The following TBK1 variants were observed in gnomAD, a reference collection of about 807,000 sequenced individuals.
TBK1 encodes the protein serine/threonine-protein kinase TBK1.
A neutral mutation model predicts 99.9 loss-of-function variants in TBK1; 37 were observed. That is an observed-to-expected ratio of 0.37 (90% CI 0.28 to 0.49). The LOEUF (loss-of-function observed/expected upper bound fraction) is 0.49, where lower values mean the gene tolerates loss of function less well. Ranked by LOEUF, TBK1 falls within the 20% of genes least tolerant of loss-of-function variation. TBK1 has a pLI of 0.98. For synonymous variants in TBK1, 258 were observed against 279.8 expected, an observed-to-expected ratio of 0.92 and a Z score of 0.78; for missense variants, 644 against 872.5, an observed-to-expected ratio of 0.74 and a Z score of 3.30.
At position 64,481,929 on chromosome 12, in the gene TBK1, A is replaced by G; in HGVS notation, c.900A>G (p.Ala300=). Residue 300 remains alanine, a synonymous_variant, in exon 8 of 21, where the codon GCA becomes GCG. Coordinates refer to ENST00000331710, the MANE Select transcript of TBK1 (RefSeq NM_013254.4). ...GTTGGGGTTTTGACCAGTTTTTTGC[A>G]GAAACTAGTGATATACTTCACCGAA... The part of the protein sequence containing the change: ...EKCWGFDQFF[A]ETSDILHRMV... 6.2e-7 allele frequency: 1 copy of G among 1,612,304 alleles called. No homozygotes were observed. The highest frequency in any genetic ancestry group is 8.5e-7 in the Non-Finnish European group (1 of 1,179,240).
chr12:64,464,341 C>G lies in TBK1; in HGVS notation c.236C>G (p.Thr79Arg). 3 of 1,566,134 alleles carry G rather than the reference C, an allele frequency of 1.9e-6. No individual in the cohort carries two copies. The highest frequency in any genetic ancestry group is 1.2e-5 in the South Asian group (1 of 83,360). Residue 79 changes from threonine to arginine, a missense_variant, in exon 4 of 21, where the codon ACA becomes AGA. Physicochemically the swap from Thr to Arg is moderately conservative, Grantham distance 71 (BLOSUM62 -1). Transcript: ENST00000331710. ...AATGATTTTTTTTTTCAGACAACAACAAGACATAAAGTACTTATTATGGAA... is the reference window on the plus strand; with the variant it reads ...AATGATTTTTTTTTTCAGACAACAAGAAGACATAAAGTACTTATTATGGAA... The part of the protein sequence containing the change: ...KLFAIEEETT[T>R]RHKVLIMEFC...
chr12:64,496,254 G>A (rs2040923787), intron 15 of TBK1, 113 bp from the exon 16 acceptor site: 1 of 451,232 alleles, frequency 2.2e-6, no homozygotes, highest in Non-Finnish European at 3.9e-6. Flanking sequence ...ACAAATCTAT[G>A]ACATCTGCTT....
At chr12:64,475,228 G>A (rs2040699689) in intron 6 of TBK1, among the ~76,000 whole-genome samples, 1 of 152,046 alleles carries the variant, frequency 6.6e-6, no homozygotes. Flanking sequence ...TATTTTACTA[G>A]TATAATGTAT....
At chr12:64,479,737 ATTTG>A (rs2040749676) in intron 6 of TBK1, among the ~76,000 whole-genome samples, 2 of 152,182 alleles carry the variant, frequency 1.3e-5, no homozygotes, top group Non-Finnish European at 2.9e-5. Context: ...AAATTAATAT[ATTTG>A]TTGTGAACAT....
At chr12:64,483,023 C>G (rs1260338434) in intron 8 of TBK1, among the ~76,000 whole-genome samples, 1 of 152,168 alleles carries the variant, frequency 6.6e-6, no homozygotes, top group Non-Finnish European at 1.5e-5. Flanking sequence ...TATATGGTGT[C>G]TCTCTTCATC....
chr12:64,476,397 A>T (rs1229757286), intron 6 of TBK1, among the ~76,000 whole-genome samples: 1 of 151,742 alleles, frequency 6.6e-6, no homozygotes, highest in East Asian at 1.9e-4. Flanking sequence ...TGACCTCGTG[A>T]TCCACCCGCC....
At chr12:64,467,141 T>C in intron 5 of TBK1, 59 bp downstream of exon 5, 3 of 1,314,234 alleles carry the variant, frequency 2.3e-6, no homozygotes, top group South Asian at 1.9e-5. Context: ...GTAATTATAA[T>C]TGGGTAATTG....
intron 1 of TBK1, among the ~76,000 whole-genome samples, chr12:64,453,079 G>C (rs185569372): frequency 3.9e-5 from 6 of 152,340 alleles, no homozygotes; most frequent in Admixed American, 3.9e-4. Context: ...CATAGTTGTT[G>C]AGTGTCTGCT....
At chr12:64,456,021 T>A in intron 2 of TBK1, 64 bp downstream of exon 2, 1 of 1,151,620 alleles carries the variant, frequency 8.7e-7, no homozygotes, top group Non-Finnish European at 1.3e-6. Context: ...AAGATGCATG[T>A]TGACACTAAA....
intron 13 of TBK1, among the ~76,000 whole-genome samples, chr12:64,494,828 G>A (rs2040909220): frequency 1.3e-5 from 2 of 152,210 alleles, no homozygotes; most frequent in African/African-American, 2.4e-5. Context: ...TTTGTTGCTA[G>A]TGGCAATGTC....
chr12:64,466,852 T>TA, intron 4 of TBK1, 49 bp from the exon 5 acceptor site: 1 of 1,414,950 alleles, frequency 7.1e-7, no homozygotes, highest in Non-Finnish European at 9.4e-7. Flanking sequence ...CATGCACACA[T>TA]ACACGTAAAT....
intron 20 of TBK1, among the ~76,000 whole-genome samples, chr12:64,498,736 G>A (rs952151489): frequency 2.0e-5 from 3 of 152,092 alleles, no homozygotes; most frequent in African/African-American, 7.2e-5. Context: ...CAGGCAGATT[G>A]CCTGAGCTCT....
intron 13 of TBK1, among the ~76,000 whole-genome samples, chr12:64,494,779 GC>G (rs2040908880): frequency 6.6e-6 from 1 of 152,114 alleles, no homozygotes; most frequent in South Asian, 2.1e-4. Flanking sequence ...AAATTATAAT[GC>G]CAGTGCTGAC....
chr12:64,484,518 TGTC>T lies in TBK1; in HGVS notation c.1189+22_1189+24del. The T allele has an allele frequency of 6.3e-7, 1 of 1,591,284 alleles. No homozygotes were observed. The highest frequency in any genetic ancestry group is 8.5e-7 in the Non-Finnish European group (1 of 1,170,568). On this transcript the variant is annotated intron_variant, in intron 9 of 20. Transcript: ENST00000331710. ...GAAAAAAGTAAGTTGGGATTTTTCTTGTCGTTCTTACTAGCCATTAGAAAAATA... is the reference window on the plus strand; with the variant it reads ...GAAAAAAGTAAGTTGGGATTTTTCTTGTTCTTACTAGCCATTAGAAAAATA...
chr12:64,498,694 A>G (rs959494815), intron 20 of TBK1, among the ~76,000 whole-genome samples: 3 of 152,116 alleles, frequency 2.0e-5, no homozygotes, highest in Non-Finnish European at 4.4e-5. Flanking sequence ...GGTGGCTCAC[A>G]CCTGTAATCC....
intron 7 of TBK1, among the ~76,000 whole-genome samples, chr12:64,480,475 A>C (rs897372823): frequency 3.9e-5 from 6 of 152,144 alleles, no homozygotes; most frequent in Non-Finnish European, 5.9e-5. Flanking sequence ...AGATATGAGT[A>C]AATTTCTCAA....
chr12:64,466,013 G>C (rs73120375), intron 4 of TBK1, among the ~76,000 whole-genome samples: 13,018 of 152,216 alleles, frequency 0.086, 781 homozygotes, highest in Middle Eastern at 0.21. Context: ...ATGGGAAAAA[G>C]TCAAGTGATA....
At chr12:64,453,204 T>C (rs1441685617) in intron 1 of TBK1, among the ~76,000 whole-genome samples, 1 of 152,242 alleles carries the variant, frequency 6.6e-6, no homozygotes, top group Non-Finnish European at 1.5e-5. Flanking sequence ...AAAAGACATT[T>C]CCCCTGACCA....
At chr12:64,497,353 T>G (rs1328689916) in intron 18 of TBK1, 94 bp downstream of exon 18, 1 of 929,702 alleles carries the variant, frequency 1.1e-6, no homozygotes, top group Non-Finnish European at 1.6e-6. Context: ...GTGCCTACAT[T>G]CAGTTCCACC....
Sources: allele counts gnomAD v4.1 joint callset (sites outside exome capture counted in the v4.1 genomes callset), GRCh38; gene constraint gnomAD v4.1.1; transcripts MANE v1.5; gene names NCBI Gene and HGNC (gene_info 2026-07-23, HGNC 2026-07-21).